The following ZNF423 variants were observed in gnomAD, a reference collection of about 807,000 sequenced individuals.
ZNF423 encodes the protein Ebf-associated zinc finger protein.
A neutral mutation model predicts 95.8 loss-of-function variants in ZNF423; 12 were observed. The observed-to-expected ratio is 0.13, with a 90% CI of 0.08 to 0.20. ZNF423 has a LOEUF of 0.20. Among genes scored for constraint, ZNF423 ranks in the 10% least tolerant of loss-of-function variants. The pLI, the probability that ZNF423 is intolerant of heterozygous loss-of-function variation, is 1.00. For missense variants in ZNF423, 1,316 were observed against 1,737.1 expected (o/e 0.76, Z 4.31); for synonymous variants, 749 against 711.9 (o/e 1.05, Z -0.83).
chr16:49,820,108 AGATG>A (rs1429422981), intron 1 of ZNF423, among the ~76,000 whole-genome samples: 13 of 152,018 alleles, frequency 8.6e-5, no homozygotes, highest in African/African-American at 3.1e-4. Context: ...ATGGATGGAC[AGATG>A]GATGGACAGA....
intron 1 of ZNF423, among the ~76,000 whole-genome samples, chr16:49,826,366 G>A (rs979328368): frequency 3.9e-5 from 6 of 152,172 alleles, no homozygotes; most frequent in Non-Finnish European, 8.8e-5. Flanking sequence ...CTCTCAACAT[G>A]GCCAGGGCAC....
At chr16:49,561,370 G>A (rs546385484) in intron 5 of ZNF423, among the ~76,000 whole-genome samples, 2 of 152,206 alleles carry the variant, frequency 1.3e-5, no homozygotes, top group African/African-American at 4.8e-5. Context: ...TGTGTATATA[G>A]ATGTATAGAG....
At chr16:49,818,377 G>A (rs998656620) in intron 1 of ZNF423, among the ~76,000 whole-genome samples, 6 of 152,020 alleles carry the variant, frequency 3.9e-5, no homozygotes, top group Admixed American at 2.0e-4. Flanking sequence ...CAATACAGTC[G>A]CTACTACCCT....
rs555916276 is a variant in ZNF423, at chr16:49,828,741, T to C, written c.40+26994A>G. ...CGAGTCCTGTGTGGATCCTTGTACA[T>C]ACACTACAGTCCCGCCCACGCACAC... On this transcript the variant is annotated intron_variant, in intron 1 of 7. Coordinates refer to ENST00000563137, the MANE Select transcript of ZNF423 (RefSeq NM_001379286.1). 2.0e-4 allele frequency among the ~76,000 whole-genome samples: 31 copies of C among 152,202 alleles called. 1 individual carries two copies. The highest frequency in any genetic ancestry group is 7.0e-4 in the African/African-American group (29 of 41,520).
At chr16:49,707,423 G>C (rs1019550607) in intron 3 of ZNF423, among the ~76,000 whole-genome samples, 1 of 152,018 alleles carries the variant, frequency 6.6e-6, no homozygotes, top group South Asian at 2.1e-4. Context: ...AGACCAGCTT[G>C]GTCAACATCT....
chr16:49,768,783 A>G (rs532020334), intron 2 of ZNF423, among the ~76,000 whole-genome samples: 1 of 152,194 alleles, frequency 6.6e-6, no homozygotes, highest in East Asian at 1.9e-4. Flanking sequence ...CATGGCACCC[A>G]AAACACATCT....
chr16:49,636,786 G>A lies in ZNF423; in HGVS notation c.2390C>T (p.Thr797Ile), dbSNP rs767082011. The change falls in exon 4 of 8, where the codon ACC (threonine) becomes ATC (isoleucine). Residue 797 changes from threonine (T) to isoleucine (I), a missense_variant. By Grantham distance (89) the Thr-to-Ile change is moderately conservative. Around this residue, in one of 6 missense-constraint regions of ZNF423, gnomAD observed 620 missense variants for 775.6 expected, o/e 0.80. Coordinates refer to ENST00000563137, the MANE Select transcript of ZNF423 (RefSeq NM_001379286.1). The surrounding 1 kb of genome is among the most constrained non-coding windows in gnomAD (Gnocchi z 8.6). ...CTGCAGCTCCACCTCGGTGCTGAAG[G>A]TCTCCCCACAGAAGATGCACTTGTG... ...KAHKCIFCGE[T>I]FSTEVELQCH... 1.9e-6 allele frequency: 3 copies of A among 1,614,120 alleles called. No homozygotes were observed. Among genetic ancestry groups the A allele is most frequent in the East Asian group, 2.2e-5 (1 of 44,880 alleles).
At chr16:49,841,767 TTC>T (rs1435462873) in intron 1 of ZNF423, among the ~76,000 whole-genome samples, 1 of 152,236 alleles carries the variant, frequency 6.6e-6, no homozygotes, top group Admixed American at 6.5e-5. Context: ...CTCCTCTGCG[TTC>T]TCTCTGCATC....
chr16:49,846,161 G>A (rs765426723), intron 1 of ZNF423, among the ~76,000 whole-genome samples: 1 of 152,046 alleles, frequency 6.6e-6, no homozygotes, highest in Non-Finnish European at 1.5e-5. Context: ...AATTAGCCAG[G>A]CCTGGTGGCA....
At chr16:49,673,475 T>C (rs905460813) in intron 3 of ZNF423, among the ~76,000 whole-genome samples, 1 of 152,232 alleles carries the variant, frequency 6.6e-6, no homozygotes, top group Non-Finnish European at 1.5e-5. Flanking sequence ...TGCGGGTGCT[T>C]GTTAAGGAGA....
intron 5 of ZNF423, among the ~76,000 whole-genome samples, chr16:49,602,686 C>T (rs1971413538): frequency 6.6e-6 from 1 of 152,210 alleles, no homozygotes; most frequent in African/African-American, 2.4e-5. Context: ...CCATGCGTTT[C>T]CAGCATGCAG....
Position 49,741,536 on chromosome 16 carries a change from A to C in ZNF423, c.101-10565T>G, listed in dbSNP as rs190587788. On this transcript the variant is annotated intron_variant, in intron 2 of 7. Transcript: ENST00000563137. Reference sequence around the variant, plus strand: ...AAAAAAGAAGAAGAAGGAGGAGGAAATCCACCGTTCTCTATAAAATTTCTG... The same window carrying C: ...AAAAAAGAAGAAGAAGGAGGAGGAACTCCACCGTTCTCTATAAAATTTCTG... Among the ~76,000 whole-genome samples the C allele has an allele frequency of 1.1e-3, 160 of 152,158 alleles. 3 individuals carry two copies. Among genetic ancestry groups the C allele is most frequent in the Admixed American group, 8.9e-3 (136 of 15,288 alleles).
At chr16:49,503,221 G>A (rs1163618743) in intron 7 of ZNF423, among the ~76,000 whole-genome samples, 2 of 152,104 alleles carry the variant, frequency 1.3e-5, no homozygotes, top group African/African-American at 4.8e-5. Flanking sequence ...AGCCCCACCT[G>A]CCCAGGACGC....
intron 5 of ZNF423, among the ~76,000 whole-genome samples, chr16:49,557,136 C>A (rs548426197): frequency 6.6e-6 from 1 of 152,196 alleles, no homozygotes; most frequent in African/African-American, 2.4e-5. Flanking sequence ...TCGATGTTGG[C>A]GGCCTAGAGA....
chr16:49,726,319 C>T (rs1316394732), intron 3 of ZNF423, among the ~76,000 whole-genome samples: 1 of 152,152 alleles, frequency 6.6e-6, no homozygotes, highest in East Asian at 1.9e-4. Context: ...AGTGAAAAAT[C>T]CAGACTACAG....
chr16:49,512,595 G>A (rs1050297325), intron 7 of ZNF423, among the ~76,000 whole-genome samples: 1 of 152,194 alleles, frequency 6.6e-6, no homozygotes, highest in Non-Finnish European at 1.5e-5. Flanking sequence ...CTGGGCTCTG[G>A]TTTCCTACCC....
At chr16:49,694,584 T>C (rs1025752453) in intron 3 of ZNF423, among the ~76,000 whole-genome samples, 2 of 152,200 alleles carry the variant, frequency 1.3e-5, no homozygotes, top group Non-Finnish European at 2.9e-5. Context: ...GGGATACCTT[T>C]TCTTTCCCAT....
At chr16:49,834,299 T>C (rs1460038019) in intron 1 of ZNF423, among the ~76,000 whole-genome samples, 1 of 147,266 alleles carries the variant, frequency 6.8e-6, no homozygotes, top group African/African-American at 2.6e-5. Context: ...CACAGTGCTG[T>C]GACAATACAA....
chr16:49,684,015 G>A (rs776040349), intron 3 of ZNF423, among the ~76,000 whole-genome samples: 37 of 152,160 alleles, frequency 2.4e-4, no homozygotes, highest in Non-Finnish European at 5.3e-4. Flanking sequence ...AAACAGCAGT[G>A]AGCTGTGATT....
Sources: allele counts gnomAD v4.1 joint callset (sites outside exome capture counted in the v4.1 genomes callset), GRCh38; gene constraint gnomAD v4.1.1; regional missense constraint gnomAD v4.1.1; non-coding constraint Gnocchi (gnomAD v3.1); transcripts MANE v1.5; gene names NCBI Gene and HGNC (gene_info 2026-07-23, HGNC 2026-07-21).